Variants in DDX46 observed in about 807,000 individuals in gnomAD.
The protein encoded by DDX46 is DEAD-box helicase 46, also known as probable ATP-dependent RNA helicase DDX46.
Under a neutral mutation model 134.9 loss-of-function variants are expected in DDX46, and 30 were observed. That is an observed-to-expected ratio of 0.22 (90% CI 0.17 to 0.30). The LOEUF is 0.30. Ranked by LOEUF, DDX46 falls within the 10% of genes least tolerant of loss-of-function variation. The probability of loss-of-function intolerance (pLI) is 1.00; values close to 1 mark genes in which losing one functional copy is unlikely to be tolerated. For synonymous variants in DDX46, 415 were observed against 404.1 expected, an observed-to-expected ratio of 1.03 and a Z score of -0.32; for missense variants, 622 against 1,248.7, an observed-to-expected ratio of 0.50 and a Z score of 7.56.
Position 134,781,137 on chromosome 5 carries a change from C to A in DDX46, c.770C>A (p.Ser257Tyr). The part of the protein sequence containing the change: ...VKGGGGNEKK[S>Y]GPTVTKVVTV... ...TATATTTGTTCTTTATTTTAGAAGT[C>A]TGGGCCAACGGTCACAAAAGTTGTC... The change falls in exon 7 of 23, where the codon TCT becomes TAT. Residue 257 changes from serine (S) to tyrosine (Y), a missense_variant. Ser to Tyr is a moderately radical substitution (Grantham distance 144). This residue lies in a region of DDX46 where 244 missense variants were observed against 349.3 expected (regional missense o/e 0.70). Coordinates refer to ENST00000452510, the MANE Select transcript of DDX46 (RefSeq NM_001300860.2). 6.4e-7 allele frequency: 1 copy of A among 1,570,938 alleles called. No homozygotes were observed. The highest frequency in any genetic ancestry group is 1.2e-5 in the South Asian group (1 of 82,490).
At chr5:134,780,132 G>GTA (rs1199082856) in intron 6 of DDX46, among the ~76,000 whole-genome samples, 1 of 144,536 alleles carries the variant, frequency 6.9e-6, no homozygotes, top group African/African-American at 2.5e-5. Context: ...GTGTGTGTGT[G>GTA]TGTGTGTATA....
chr5:134,774,041 C>T (rs1753857880), intron 5 of DDX46, among the ~76,000 whole-genome samples, 180 bp downstream of exon 5: 1 of 152,120 alleles, frequency 6.6e-6, no homozygotes, highest in Non-Finnish European at 1.5e-5. Context: ...GTTGTGCAGT[C>T]GTTACCACTG....
chr5:134,761,688 C>G (rs1753391578), intron 1 of DDX46, among the ~76,000 whole-genome samples: 1 of 152,212 alleles, frequency 6.6e-6, no homozygotes, highest in South Asian at 2.1e-4. Flanking sequence ...CTCCCTCAGC[C>G]TTCCCATCTT....
At chr5:134,787,286 G>A (rs1291815176) in intron 11 of DDX46, among the ~76,000 whole-genome samples, 14 of 152,082 alleles carry the variant, frequency 9.2e-5, no homozygotes, top group Admixed American at 9.2e-4. Flanking sequence ...TTAACTAGAA[G>A]AAGGCAAAAA....
chr5:134,786,422 A>G (rs778369474), intron 11 of DDX46, among the ~76,000 whole-genome samples: 1 of 151,430 alleles, frequency 6.6e-6, no homozygotes, highest in Non-Finnish European at 1.5e-5. Context: ...TTTTCATTTT[A>G]CATATGAGGA....
chr5:134,817,129 T>C (rs1193301289), intron 19 of DDX46: 1 of 199,026 alleles, frequency 5.0e-6, no homozygotes, highest in Non-Finnish European at 1.0e-5. Context: ...AGCTCAGTGA[T>C]GGTAGTAGTA....
chr5:134,784,616 T>C lies in DDX46; in HGVS notation c.1342+75T>C, dbSNP rs909418470. On this transcript the variant is annotated intron_variant, in intron 10 of 22. Transcript: ENST00000452510. ...AACAGAAAGACCTTATAGTTTATAA[T>C]GTTCTTAATTATGACAATGAAGTTG... 6.3e-6 allele frequency: 9 copies of C among 1,424,062 alleles called. No individual in the cohort carries two copies. The South Asian group carries it at 1.4e-4, about 22-fold the overall frequency. The allele number at this position is 1,424,062 out of a possible 1,614,324, so 88.2% of individuals were successfully genotyped here.
rs138965602 is a variant in DDX46, at chr5:134,775,601, C to T, written c.613+1740C>T. ...AATTTTTTTGTATTTTTAGTAGAGA[C>T]GAGGTTTCACCACACTGGCCAGGTT... On this transcript the variant is annotated intron_variant, in intron 5 of 22. Coordinates refer to ENST00000452510, the MANE Select transcript of DDX46 (RefSeq NM_001300860.2). Among the ~76,000 whole-genome samples the T allele has an allele frequency of 8.2e-3, 1,246 of 152,134 alleles. 32 individuals carry two copies. Among genetic ancestry groups the T allele is most frequent in the Admixed American group, 0.049 (746 of 15,250 alleles).
chr5:134,780,872 CAA>C, intron 6 of DDX46: 1 of 218,192 alleles, frequency 4.6e-6, no homozygotes, highest in Non-Finnish European at 8.9e-6. Context: ...TACTAAAAAA[CAA>C]AAAAAATTAA....
At chr5:134,817,105 C>G in intron 19 of DDX46, 1 of 188,938 alleles carries the variant, frequency 5.3e-6, no homozygotes. Context: ...TGGGTTGGGT[C>G]ATAGAGATGA....
rs568111556 is a variant in DDX46 at position 134,806,924 on chromosome 5, G to A, written c.1955-824G>A. 9.9e-5 allele frequency among the ~76,000 whole-genome samples: 15 copies of A among 152,158 alleles called. No homozygotes were observed. In the East Asian group the frequency reaches 2.9e-3, roughly 29 times the overall value. ...ACCTCTTTGGATCATTTATTTAAGAGATATCCATTTGGGTACTTCTAAACC... is the reference window on the plus strand; with the variant it reads ...ACCTCTTTGGATCATTTATTTAAGAAATATCCATTTGGGTACTTCTAAACC... On this transcript the variant is annotated intron_variant, in intron 15 of 22. Coordinates refer to ENST00000452510, the MANE Select transcript of DDX46 (RefSeq NM_001300860.2).
intron 11 of DDX46, among the ~76,000 whole-genome samples, chr5:134,788,025 C>CA (rs576416864): frequency 0.039 from 2,042 of 52,866 alleles, 46 homozygotes; most frequent in African/African-American, 0.1. Flanking sequence ...GACCCTGTCT[C>CA]AAAAAAAAAA....
At chr5:134,813,126 C>T (rs1321712898) in intron 18 of DDX46, among the ~76,000 whole-genome samples, 1 of 151,918 alleles carries the variant, frequency 6.6e-6, no homozygotes, top group Non-Finnish European at 1.5e-5. Context: ...TGTATTTTTA[C>T]TAGAGACAGG....
chr5:134,826,926 T>C (rs756948360), intron 21 of DDX46, 21 bp from the exon 22 acceptor site: 4 of 1,608,884 alleles, frequency 2.5e-6, no homozygotes, highest in Admixed American at 1.7e-5. Context: ...TTGAATAATA[T>C]GCTTTCCACT....
At chr5:134,791,933 T>A (rs1233430008) in intron 13 of DDX46, among the ~76,000 whole-genome samples, 1 of 152,106 alleles carries the variant, frequency 6.6e-6, no homozygotes, top group Non-Finnish European at 1.5e-5. Context: ...ATCCCAGCAA[T>A]TTGGGAGGCC....
At chr5:134,792,557 G>A (rs1171042318) in intron 13 of DDX46, among the ~76,000 whole-genome samples, 1 of 152,178 alleles carries the variant, frequency 6.6e-6, no homozygotes, top group Non-Finnish European at 1.5e-5. Flanking sequence ...TCCCAATCAT[G>A]TGAAATCTTA....
At chr5:134,788,819 A>T (rs1754419849) in intron 12 of DDX46, among the ~76,000 whole-genome samples, 1 of 151,870 alleles carries the variant, frequency 6.6e-6, no homozygotes. Context: ...ACTGTACTCC[A>T]GCCTGGGTGA....
intron 6 of DDX46, among the ~76,000 whole-genome samples, chr5:134,778,346 C>T (rs1754013587): frequency 6.6e-6 from 1 of 151,950 alleles, no homozygotes; most frequent in African/African-American, 2.4e-5. Context: ...ATGCCCCTCA[C>T]TTTATTCTAT....
At chr5:134,761,687 C>A (rs1490881483) in intron 1 of DDX46, among the ~76,000 whole-genome samples, 1 of 152,202 alleles carries the variant, frequency 6.6e-6, no homozygotes, top group Non-Finnish European at 1.5e-5. Flanking sequence ...TCTCCCTCAG[C>A]CTTCCCATCT....
Sources: allele counts gnomAD v4.1 joint callset (sites outside exome capture counted in the v4.1 genomes callset), GRCh38; gene constraint gnomAD v4.1.1; regional missense constraint gnomAD v4.1.1; transcripts MANE v1.5; gene names NCBI Gene and HGNC (gene_info 2026-07-23, HGNC 2026-07-21).